The following GMEB1 variants were observed in gnomAD, a reference collection of about 807,000 sequenced individuals.
GMEB1 encodes glucocorticoid modulatory element-binding protein 1.
In GMEB1, 6 loss-of-function variants were observed where a neutral mutation model predicts 52.4. The ratio of observed to expected loss-of-function variants is 0.11; its 90% CI spans 0.06 to 0.23. GMEB1 has a LOEUF of 0.23. Among genes scored for constraint, GMEB1 ranks in the 10% least tolerant of loss-of-function variants. The pLI is 1.00. For missense variants in GMEB1, 486 were observed against 685.6 expected (o/e 0.71, Z 3.25); for synonymous variants, 255 against 244.9 (o/e 1.04, Z -0.38).
intron 1 of GMEB1, among the ~76,000 whole-genome samples, chr1:28,671,264 TTC>T (rs902393314): frequency 1.3e-5 from 2 of 151,952 alleles, no homozygotes; most frequent in Non-Finnish European, 2.9e-5. Context: ...GAGTGGAAAT[TTC>T]TTTTTTATTT....
chr1:28,692,669 T>G (rs1570408284), intron 4 of GMEB1, among the ~76,000 whole-genome samples: 1 of 152,202 alleles, frequency 6.6e-6, no homozygotes, highest in African/African-American at 2.4e-5. Context: ...ACACTAGACC[T>G]GATTCCAGGC....
chr1:28,690,694 C>T (rs1004848254), intron 3 of GMEB1, among the ~76,000 whole-genome samples: 2 of 152,092 alleles, frequency 1.3e-5, no homozygotes, highest in Admixed American at 6.6e-5. Context: ...ATTTAAAAAA[C>T]ATCTGGTCGA....
rs1259729884 is a variant in GMEB1 at position 28,714,420 on chromosome 1, A to T, written c.1339A>T (p.Ser447Cys). The T allele has an allele frequency of 1.2e-6, 2 of 1,614,190 alleles. No individual in the cohort carries two copies. The highest frequency in any genetic ancestry group is 4.5e-5 in the East Asian group (2 of 44,894). The change falls in exon 10 of 10, where the codon AGC becomes TGC. Residue 447 changes from serine to cysteine, a missense_variant. Physicochemically the swap from Ser to Cys is moderately radical, Grantham distance 112 (BLOSUM62 -1). Transcript: ENST00000373816. ...RYATVVSSAK[S>C]SSPDTVTIHP... ...TGCCACAGTGGTCTCCTCTGCCAAG[A>T]GCAGCTCACCAGACACAGTGACCAT...
At chr1:28,681,563 T>C (rs536968908) in intron 1 of GMEB1, among the ~76,000 whole-genome samples, 1 of 152,278 alleles carries the variant, frequency 6.6e-6, no homozygotes, top group East Asian at 1.9e-4. Flanking sequence ...CTTAAGATTC[T>C]TGGGGTATGA....
rs1308714858 is a variant in GMEB1 at position 28,672,306 on chromosome 1, C to T, written c.-31+3467C>T. Among the ~76,000 whole-genome samples, 21 of 149,786 alleles carry T rather than the reference C, an allele frequency of 1.4e-4. No homozygotes were observed. In the East Asian group the frequency reaches 4.0e-3, roughly 28 times the overall value. On this transcript the variant is annotated intron_variant, in intron 1 of 9. Coordinates refer to ENST00000373816, the MANE Select transcript of GMEB1 (RefSeq NM_001319674.2). ...CGCGATCTTGGCTCACTGCAAGCTC[C>T]GCCTCCCGGGTTCACGCCATTCTCC...
chr1:28,679,915 C>T (rs941030178), intron 1 of GMEB1, among the ~76,000 whole-genome samples: 3 of 152,010 alleles, frequency 2.0e-5, no homozygotes, highest in African/African-American at 4.8e-5. Context: ...AAGCAATTCT[C>T]CTGCCTGAGC....
At chr1:28,696,698 C>T (rs1670225491) in intron 5 of GMEB1, among the ~76,000 whole-genome samples, 1 of 152,052 alleles carries the variant, frequency 6.6e-6, no homozygotes, top group African/African-American at 2.4e-5. Flanking sequence ...CTGCAATACT[C>T]ATAATGAATA....
intron 4 of GMEB1, among the ~76,000 whole-genome samples, chr1:28,692,429 G>A (rs1670012259): frequency 6.6e-6 from 1 of 151,974 alleles, no homozygotes; most frequent in African/African-American, 2.4e-5. Flanking sequence ...CTACTCCGGA[G>A]GCTAAGGCAG....
intron 1 of GMEB1, among the ~76,000 whole-genome samples, chr1:28,682,914 G>C (rs1345161041): frequency 1.3e-5 from 2 of 152,104 alleles, no homozygotes; most frequent in African/African-American, 4.8e-5. Flanking sequence ...TGTCAATTTC[G>C]GGTCTGTTTA....
intron 6 of GMEB1, among the ~76,000 whole-genome samples, chr1:28,697,644 C>T (rs1227322725): frequency 6.6e-6 from 1 of 152,218 alleles, no homozygotes. Flanking sequence ...CAGACCTCCT[C>T]CTTTGTTTTT....
chr1:28,670,433 T>C (rs2124434226), intron 1 of GMEB1, among the ~76,000 whole-genome samples: 1 of 152,256 alleles, frequency 6.6e-6, no homozygotes, highest in African/African-American at 2.4e-5. Flanking sequence ...GTTCAAGCGA[T>C]TCTCCTGCCT....
intron 6 of GMEB1, among the ~76,000 whole-genome samples, chr1:28,699,493 A>C (rs1243717626): frequency 6.6e-6 from 1 of 151,746 alleles, no homozygotes; most frequent in East Asian, 1.9e-4. Context: ...GCAATGGTGC[A>C]ATCTTGGCTC....
intron 9 of GMEB1, among the ~76,000 whole-genome samples, chr1:28,712,587 G>A (rs915328658): frequency 6.6e-6 from 1 of 150,992 alleles, no homozygotes; most frequent in Admixed American, 6.6e-5. Context: ...TTGGGAGGCC[G>A]AGGTGGGCGG....
chr1:28,699,827 C>T (rs1054147870), intron 6 of GMEB1, among the ~76,000 whole-genome samples: 1 of 151,524 alleles, frequency 6.6e-6, no homozygotes. Flanking sequence ...CTAATCCCAG[C>T]ACTCTGGGAA....
Position 28,716,750 on chromosome 1 carries a change from G to GC in GMEB1, c.*1977_*1978insC, listed in dbSNP as rs1557529424. The GC allele has an allele frequency of 6.7e-6, 1 of 149,826 alleles. No individual in the cohort carries two copies. The highest frequency in any genetic ancestry group is 2.0e-4 in the East Asian group (1 of 4,974). The allele number at this position is 149,826 out of a possible 1,614,324, so 9.3% of individuals were successfully genotyped here. A position where few individuals can be genotyped will look rare whatever the true frequency, so the allele number is the denominator to read the frequency against. ...GTCAATAATAATGCTTTGGGGGGGG[G>GC]GGTTATTTTGTTTTGTTTTGTTTTT... On this transcript the variant is annotated 3_prime_UTR_variant, in exon 10 of 10. Coordinates refer to ENST00000373816, the MANE Select transcript of GMEB1 (RefSeq NM_001319674.2).
At position 28,696,720 on chromosome 1, in the gene GMEB1, G is replaced by A. The variant is rs545511163; in HGVS notation, c.441-207G>A. Among the ~76,000 whole-genome samples, 135 of 152,188 alleles carry A rather than the reference G, an allele frequency of 8.9e-4. 1 individual carries two copies. The highest frequency in any genetic ancestry group is 2.8e-3 in the African/African-American group (117 of 41,518). Reference sequence around the variant, plus strand: ...ACTCATAATGAATAAACTACAGAGGGAGGAGGAATACTGGTAAATGTGGGC... The same window carrying A: ...ACTCATAATGAATAAACTACAGAGGAAGGAGGAATACTGGTAAATGTGGGC... On this transcript the variant is annotated intron_variant, in intron 5 of 9. Coordinates refer to ENST00000373816, the MANE Select transcript of GMEB1 (RefSeq NM_001319674.2).
intron 1 of GMEB1, among the ~76,000 whole-genome samples, chr1:28,672,344 C>G (rs1344490481): frequency 1.3e-5 from 2 of 150,082 alleles, no homozygotes; most frequent in Non-Finnish European, 3.0e-5. Flanking sequence ...CTCAGCCTCC[C>G]GAGTAGCTGG....
At chr1:28,705,817 G>C (rs2124568141) in intron 8 of GMEB1, among the ~76,000 whole-genome samples, 1 of 151,740 alleles carries the variant, frequency 6.6e-6, no homozygotes, top group East Asian at 2.0e-4. Flanking sequence ...TGTATGTATA[G>C]AGAAAGAGTC....
In GMEB1 at chr1:28,696,832, A is replaced by G. The variant is rs982880689; in HGVS notation, c.441-95A>G. The G allele has an allele frequency of 9.8e-6, 9 of 916,514 alleles. No individual in the cohort carries two copies. The African/African-American group carries it at 1.5e-4, about 15-fold the overall frequency. 56.8% of individuals were successfully genotyped at this position (916,514 alleles called of 1,614,324 possible). A position where few individuals can be genotyped will look rare whatever the true frequency, so the allele number is the denominator to read the frequency against. The stretch of plus-strand genomic sequence containing the variant: ...ATTAGGTTTCACTAATCTACACAGT[A>G]GGCTCAGCAGTGTTGTCCCTATTTT... On this transcript the variant is annotated intron_variant, in intron 5 of 9. Coordinates refer to ENST00000373816, the MANE Select transcript of GMEB1 (RefSeq NM_001319674.2).
Sources: allele counts gnomAD v4.1 joint callset (sites outside exome capture counted in the v4.1 genomes callset), GRCh38; gene constraint gnomAD v4.1.1; transcripts MANE v1.5; gene names NCBI Gene and HGNC (gene_info 2026-07-23, HGNC 2026-07-21).